Variants in AKAP6 observed in about 807,000 individuals in gnomAD.
The protein encoded by AKAP6 is A-kinase anchor protein 6.
Under a neutral mutation model 188.5 loss-of-function variants are expected in AKAP6, and 58 were observed. That is an observed-to-expected ratio of 0.31 (90% CI 0.25 to 0.38). The LOEUF (loss-of-function observed/expected upper bound fraction) is 0.38, where lower values mean the gene tolerates loss of function less well. Among genes scored for constraint, AKAP6 ranks in the 10% least tolerant of loss-of-function variants. The probability of loss-of-function intolerance (pLI) is 1.00; values close to 1 mark genes in which losing one functional copy is unlikely to be tolerated. For missense variants in AKAP6, 2,710 were observed against 2,740.0 expected (o/e 0.99, Z 0.24); for synonymous variants, 989 against 998.6 (o/e 0.99, Z 0.18).
chr14:32,620,560 G>A (rs1314453561), intron 7 of AKAP6, among the ~76,000 whole-genome samples: 1 of 152,062 alleles, frequency 6.6e-6, no homozygotes. Flanking sequence ...GTTGGGTTCA[G>A]TTTGCTAGAA....
intron 12 of AKAP6, among the ~76,000 whole-genome samples, chr14:32,784,765 G>A (rs2033351716): frequency 6.6e-6 from 1 of 152,192 alleles, no homozygotes; most frequent in Non-Finnish European, 1.5e-5. Flanking sequence ...TATGCAGCCA[G>A]TAGGCGGAGA....
At chr14:32,426,009 G>C (rs8022148) in intron 1 of AKAP6, among the ~76,000 whole-genome samples, 61,281 of 152,058 alleles carry the variant, frequency 0.4, 14,935 homozygotes, top group Middle Eastern at 0.61. Flanking sequence ...AATTCATCTT[G>C]AGTTAATTTT....
At chr14:32,754,704 T>A (rs1194171549) in intron 11 of AKAP6, among the ~76,000 whole-genome samples, 1 of 152,178 alleles carries the variant, frequency 6.6e-6, no homozygotes, top group African/African-American at 2.4e-5. Flanking sequence ...CTTCCACAAC[T>A]TTTATTTCTC....
chr14:32,532,959 G>T (rs1040046669), intron 2 of AKAP6, among the ~76,000 whole-genome samples: 9 of 152,184 alleles, frequency 5.9e-5, no homozygotes, highest in African/African-American at 2.2e-4. Flanking sequence ...GGAGACAGGA[G>T]TGAAAAAGTT....
chr14:32,414,197 A>C (rs1254183954), intron 1 of AKAP6, among the ~76,000 whole-genome samples: 1 of 152,084 alleles, frequency 6.6e-6, no homozygotes, highest in Non-Finnish European at 1.5e-5. Flanking sequence ...TGATTTCATA[A>C]GGTCTAGAAT....
chr14:32,762,107 C>T lies in AKAP6; in HGVS notation c.3373-11571C>T, dbSNP rs551869991. ...GTATTTTGTAGTATAATGGCTAAGT[C>T]GTGTTTATATCCAGCACCTTTTTCC... On this transcript the variant is annotated intron_variant, in intron 11 of 13. Transcript: ENST00000280979. Among the ~76,000 whole-genome samples the T allele has an allele frequency of 2.2e-3, 328 of 152,140 alleles. 1 individual carries two copies. The highest frequency in any genetic ancestry group is 5.0e-3 in the Admixed American group (77 of 15,256).
At chr14:32,595,295 C>T (rs1885647750) in intron 5 of AKAP6, among the ~76,000 whole-genome samples, 1 of 152,052 alleles carries the variant, frequency 6.6e-6, no homozygotes, top group African/African-American at 2.4e-5. Flanking sequence ...GTAGCCATAG[C>T]TGCTGTCTCT....
intron 2 of AKAP6, among the ~76,000 whole-genome samples, chr14:32,490,159 A>T (rs752223126): frequency 2.0e-5 from 3 of 150,444 alleles, no homozygotes; most frequent in Non-Finnish European, 4.4e-5. Context: ...GGGCAGAACA[A>T]ATCACAATGG....
chr14:32,546,253 C>A lies in AKAP6; in HGVS notation c.1600C>A (p.Leu534Ile), dbSNP rs1351791288. The A allele has an allele frequency of 1.2e-6, 2 of 1,614,050 alleles. No homozygotes were observed. Among genetic ancestry groups the A allele is most frequent in the Non-Finnish European group, 1.7e-6 (2 of 1,180,032 alleles). ...GAGCTCAGCAGTGCCAAATGGAGAG[C>A]TTTCTTATACTTCCAAGGCCATAGA... Reference protein sequence around the residue: ...TKSSAVPNGELSYTSKAIEGP... With the variant: ...TKSSAVPNGEISYTSKAIEGP... The change falls in exon 4 of 14, where the codon CTT becomes ATT. Residue 534 changes from leucine to isoleucine, a missense_variant. By Grantham distance (5) the Leu-to-Ile change is conservative. This residue lies in a region of AKAP6 where 2,473 missense variants were observed against 2,426.1 expected (regional missense o/e 1.02). Coordinates refer to ENST00000280979, the MANE Select transcript of AKAP6 (RefSeq NM_004274.5).
At chr14:32,407,588 G>A (rs1211214123) in intron 1 of AKAP6, among the ~76,000 whole-genome samples, 1 of 152,204 alleles carries the variant, frequency 6.6e-6, no homozygotes, top group African/African-American at 2.4e-5. Context: ...TGTTAGTGAG[G>A]TGGTTTGAAT....
At chr14:32,687,516 G>A (rs187186421) in intron 8 of AKAP6, among the ~76,000 whole-genome samples, 23 of 146,988 alleles carry the variant, frequency 1.6e-4, no homozygotes, top group African/African-American at 4.8e-4. Context: ...ATTTCTACAC[G>A]GTGGGTATTT....
intron 1 of AKAP6, among the ~76,000 whole-genome samples, chr14:32,405,730 T>C (rs553370138): frequency 1.3e-5 from 2 of 152,244 alleles, no homozygotes; most frequent in South Asian, 2.1e-4. Context: ...GATGGTTTTA[T>C]AACCATCTAG....
At chr14:32,490,770 A>G (rs1166631321) in intron 2 of AKAP6, among the ~76,000 whole-genome samples, 1 of 152,188 alleles carries the variant, frequency 6.6e-6, no homozygotes, top group Non-Finnish European at 1.5e-5. Context: ...TGCATTCTCT[A>G]TGAGAATATT....
chr14:32,549,390 A>C (rs1312901590), intron 4 of AKAP6, among the ~76,000 whole-genome samples: 1 of 152,202 alleles, frequency 6.6e-6, no homozygotes, highest in Non-Finnish European at 1.5e-5. Flanking sequence ...GATAAAGGAA[A>C]AGGAAGGTGG....
intron 4 of AKAP6, among the ~76,000 whole-genome samples, chr14:32,554,154 T>A (rs947045069): frequency 6.6e-6 from 1 of 152,270 alleles, no homozygotes; most frequent in African/African-American, 2.4e-5. Context: ...TACCTGCTTT[T>A]TAAAATATTA....
In AKAP6 at chr14:32,558,108, AG is replaced by A. The variant is rs1445167933; in HGVS notation, c.2346+11110del. 1.1e-4 allele frequency among the ~76,000 whole-genome samples: 17 copies of A among 152,334 alleles called. No individual in the cohort carries two copies. The East Asian group carries it at 2.7e-3, about 24-fold the overall frequency. On this transcript the variant is annotated intron_variant, in intron 4 of 13. Transcript: ENST00000280979. ...TTAGTTAAATACCAAGGAAAAAGCCAGATTCTTAAAGAATTGGGTAGGTTCA... is the reference window on the plus strand; with the variant it reads ...TTAGTTAAATACCAAGGAAAAAGCCAATTCTTAAAGAATTGGGTAGGTTCA...
At chr14:32,358,827 T>G (rs1887565701) in intron 1 of AKAP6, among the ~76,000 whole-genome samples, 1 of 152,174 alleles carries the variant, frequency 6.6e-6, no homozygotes, top group Admixed American at 6.5e-5. Context: ...TCATACAGGA[T>G]GTATTTTCAA....
Position 32,822,457 on chromosome 14 carries a change from G to C in AKAP6, c.4644G>C (p.Lys1548Asn), listed in dbSNP as rs765635610. 1 of 1,613,982 alleles carries C rather than the reference G, an allele frequency of 6.2e-7. No individual in the cohort carries two copies. The highest frequency in any genetic ancestry group is 8.5e-7 in the Non-Finnish European group (1 of 1,179,948). Residue 1548 changes from lysine to asparagine, a missense_variant, in exon 13 of 14, where the codon AAG (lysine) becomes AAC (asparagine). Transcript: ENST00000280979. ...RISYKSGNIE[K>N]TFTGMQNAKQ... ...CATATAAAAGTGGCAATATAGAAAA[G>C]ACATTCACTGGCATGCAGAATGCCA...
chr14:32,749,732 A>G (rs1419719524), intron 11 of AKAP6, among the ~76,000 whole-genome samples: 1 of 152,228 alleles, frequency 6.6e-6, no homozygotes, highest in Non-Finnish European at 1.5e-5. Context: ...GATCTATAAG[A>G]TATGTAAGAC....
Sources: gnomAD v4.1 joint callset for allele counts (sites outside exome capture counted in the v4.1 genomes callset) on GRCh38, gnomAD v4.1.1 for gene constraint, gnomAD v4.1.1 regional missense constraint, MANE v1.5 for transcripts, NCBI Gene and HGNC (gene_info 2026-07-23, HGNC 2026-07-21) for gene names.